Variants in DENND2C observed in about 807,000 individuals in gnomAD.
DENND2C encodes the protein DENN domain-containing protein 2C.
A neutral mutation model predicts 112.4 loss-of-function variants in DENND2C; 72 were observed. The observed-to-expected ratio is 0.64, with a 90% confidence interval of 0.53 to 0.78. DENND2C has a LOEUF of 0.78. Ranked by LOEUF, DENND2C falls within the 30% of genes least tolerant of loss-of-function variation. DENND2C has a pLI of 0.00. For synonymous variants in DENND2C, 329 were observed against 381.6 expected (o/e 0.86, Z 1.61); for missense variants, 992 against 1,113.8 (o/e 0.89, Z 1.56).
rs1425554460 is a variant in DENND2C, at chr1:114,587,626, G to C, written c.2668+90C>G. 5.6e-6 allele frequency: 8 copies of C among 1,424,060 alleles called. No homozygotes were observed. In the South Asian group the frequency reaches 9.3e-5, roughly 17 times the overall value. The allele number at this position is 1,424,060 out of a possible 1,614,324, so 88.2% of individuals were successfully genotyped here. On this transcript the variant is annotated intron_variant, in intron 19 of 20. Transcript: ENST00000393274. ...TAAACAACTCAGATTTTAAGCCCTT[G>C]TCGCTTTACAATACTTTTTATTCAT...
chr1:114,615,891 T>C (rs1326904081), intron 8 of DENND2C, among the ~76,000 whole-genome samples: 2 of 151,878 alleles, frequency 1.3e-5, no homozygotes, highest in Admixed American at 6.6e-5. Context: ...CTGGCTAACA[T>C]GGTGAAACCC....
intron 2 of DENND2C, among the ~76,000 whole-genome samples, chr1:114,652,072 T>C (rs1657182885): frequency 6.6e-6 from 1 of 152,034 alleles, no homozygotes; most frequent in Non-Finnish European, 1.5e-5. Flanking sequence ...TGGCACAGAG[T>C]ATTGGCAAGT....
Position 114,625,857 on chromosome 1 carries a change from G to A in DENND2C, c.128C>T (p.Pro43Leu), listed in dbSNP as rs1398780693. Residue 43 changes from proline to leucine, a missense_variant, in exon 4 of 21, where the codon CCA becomes CTA. By Grantham distance (98) the Pro-to-Leu change is moderately conservative. Coordinates refer to ENST00000393274, the MANE Select transcript of DENND2C (RefSeq NM_001256404.2). ...GTTATATCTCACTCCAAAGTCCTTT[G>A]GACACCACTTTTCTGGATTAGATAT... The part of the protein sequence containing the change: ...NGISNPEKWC[P>L]KDFGVRYNCH... 8 of 1,613,740 alleles carry A rather than the reference G, an allele frequency of 5.0e-6. No homozygotes were observed. Among genetic ancestry groups the A allele is most frequent in the African/African-American group, 1.3e-5 (1 of 74,840 alleles).
At position 114,621,888 on chromosome 1, in the gene DENND2C, T is replaced by A. The variant is rs1656174906; in HGVS notation, c.1227+7A>T. ...GAGTCAAAGAATGAAAGCACTGGAG[T>A]CTTTACCCTTGGAAGATTTTTCCTT... is the stretch of plus-strand genomic sequence containing the variant. On this transcript the variant is annotated splice_region_variant and intron_variant, in intron 7 of 20. Transcript: ENST00000393274. 6.5e-7 allele frequency: 1 copy of A among 1,550,366 alleles called. No individual in the cohort carries two copies. Among genetic ancestry groups the A allele is most frequent in the African/African-American group, 1.4e-5 (1 of 73,020 alleles).
chr1:114,625,040 C>T (rs550275316), intron 4 of DENND2C, 139 bp downstream of exon 4: 1 of 779,482 alleles, frequency 1.3e-6, no homozygotes, highest in African/African-American at 1.7e-5. Flanking sequence ...TTTCCTTCCA[C>T]ATTAATCAAC....
intron 18 of DENND2C, among the ~76,000 whole-genome samples, chr1:114,591,160 G>A (rs1655178273): frequency 6.6e-6 from 1 of 152,042 alleles, no homozygotes; most frequent in African/African-American, 2.4e-5. Context: ...TAGAAACTGG[G>A]TCTTGCTGTG....
chr1:114,591,881 T>TTATTATTATTA (rs1557937879), intron 18 of DENND2C, among the ~76,000 whole-genome samples: 7 of 145,590 alleles, frequency 4.8e-5, no homozygotes, highest in African/African-American at 1.7e-4. Context: ...TATTATTATT[T>TTATTATTATTA]TTATTATTAT....
At chr1:114,655,149 C>A (rs567708983) in intron 1 of DENND2C, among the ~76,000 whole-genome samples, 2 of 152,288 alleles carry the variant, frequency 1.3e-5, no homozygotes, top group Non-Finnish European at 2.9e-5. Flanking sequence ...CTGCCACAAG[C>A]AGGTATTATT....
rs1656292392 is a variant in DENND2C, at chr1:114,625,133, G to GT, written c.806+45dup. On this transcript the variant is annotated intron_variant, in intron 4 of 20. Coordinates refer to ENST00000393274, the MANE Select transcript of DENND2C (RefSeq NM_001256404.2). ...AAGGAAAAAGAAGCTCAATAATCCT[G>GT]TAAGGAAAATACCTACAAGTCTTTA... 2.0e-6 allele frequency: 3 copies of GT among 1,515,752 alleles called. No homozygotes were observed. In the African/African-American group the frequency reaches 4.2e-5, roughly 21 times the overall value. 93.9% of individuals were successfully genotyped at this position (1,515,752 alleles called of 1,614,324 possible). A position where few individuals can be genotyped will look rare whatever the true frequency, so the allele number is the denominator to read the frequency against.
chr1:114,644,055 CCA>C (rs1381355824), intron 3 of DENND2C, among the ~76,000 whole-genome samples: 1 of 152,094 alleles, frequency 6.6e-6, no homozygotes, highest in Non-Finnish European at 1.5e-5. Flanking sequence ...GGTGTTATCC[CCA>C]TAACTAATCC....
At chr1:114,644,037 T>C (rs1298771680) in intron 3 of DENND2C, among the ~76,000 whole-genome samples, 3 of 152,194 alleles carry the variant, frequency 2.0e-5, no homozygotes, top group African/African-American at 7.2e-5. Context: ...CACAGCTACA[T>C]GACCCTAGGT....
intron 2 of DENND2C, among the ~76,000 whole-genome samples, chr1:114,653,777 T>G (rs540556454): frequency 4.7e-4 from 71 of 152,190 alleles, no homozygotes; most frequent in Non-Finnish European, 7.1e-4. Context: ...ACACATATGA[T>G]GATGCAGAGA....
At chr1:114,667,179 T>G (rs1557964704) in intron 1 of DENND2C, among the ~76,000 whole-genome samples, 1 of 152,208 alleles carries the variant, frequency 6.6e-6, no homozygotes, top group Non-Finnish European at 1.5e-5. Context: ...ATTTAATATC[T>G]TCTCTCTAAT....
At chr1:114,659,738 T>C (rs11803452) in intron 1 of DENND2C, among the ~76,000 whole-genome samples, 8,148 of 150,894 alleles carry the variant, frequency 0.054, 325 homozygotes, top group African/African-American at 0.1. Context: ...CTTTCCTTTT[T>C]CCTTTCCTTT....
At chr1:114,661,026 G>A (rs949587884) in intron 1 of DENND2C, among the ~76,000 whole-genome samples, 4 of 149,888 alleles carry the variant, frequency 2.7e-5, no homozygotes, top group Admixed American at 6.7e-5. Context: ...CAGGAGAATC[G>A]CTTGAACCCG....
intron 1 of DENND2C, among the ~76,000 whole-genome samples, chr1:114,659,446 G>C (rs918254893): frequency 3.3e-5 from 5 of 152,138 alleles, no homozygotes; most frequent in Non-Finnish European, 2.9e-5. Flanking sequence ...AGGTTGCAGT[G>C]AGCGGAGATC....
At chr1:114,610,537 T>G (rs760535527) in intron 9 of DENND2C, among the ~76,000 whole-genome samples, 1 of 151,888 alleles carries the variant, frequency 6.6e-6, no homozygotes, top group Admixed American at 6.6e-5. Flanking sequence ...CCATCTCTAC[T>G]AAAAATACAA....
At chr1:114,657,333 GATT>G (rs1221167955) in intron 1 of DENND2C, among the ~76,000 whole-genome samples, 1 of 151,804 alleles carries the variant, frequency 6.6e-6, no homozygotes, top group Non-Finnish European at 1.5e-5. Flanking sequence ...TATTTTTTAA[GATT>G]ATTTTTATAC....
chr1:114,664,741 G>A (rs926341607), intron 1 of DENND2C, among the ~76,000 whole-genome samples: 2 of 150,498 alleles, frequency 1.3e-5, no homozygotes, highest in Admixed American at 1.3e-4. Context: ...GCCTCCCAAA[G>A]TGCTAGGATT....
Sources: gnomAD v4.1 joint callset for allele counts (sites outside exome capture counted in the v4.1 genomes callset) on GRCh38, gnomAD v4.1.1 for gene constraint, MANE v1.5 for transcripts, NCBI Gene and HGNC (gene_info 2026-07-23, HGNC 2026-07-21) for gene names.